RPS10: variants seen among roughly 807,000 people sequenced by gnomAD.
RPS10 encodes ribosomal protein S10.
In RPS10, 2 loss-of-function variants were observed where a neutral mutation model predicts 22.6. That is an observed-to-expected ratio of 0.09 (90% CI 0.04 to 0.28). The LOEUF (loss-of-function observed/expected upper bound fraction) is 0.28, where lower values mean the gene tolerates loss of function less well. Ranked by LOEUF, RPS10 falls within the 10% of genes least tolerant of loss-of-function variation. The pLI, the probability that RPS10 is intolerant of heterozygous loss-of-function variation, is 1.00. For synonymous variants in RPS10, 70 were observed against 75.9 expected (o/e 0.92, Z 0.40); for missense variants, 137 against 222.2 (o/e 0.62, Z 2.44).
chr6:34,421,011 T>C (rs1765745420), intron 4 of RPS10, among the ~76,000 whole-genome samples: 3 of 127,176 alleles, frequency 2.4e-5, no homozygotes, highest in African/African-American at 6.4e-5. Flanking sequence ...GTCTCAAAAA[T>C]GAAAGAAAAT....
chr6:34,417,767 G>A lies in RPS10; in HGVS notation c.457-220C>T, dbSNP rs1765628271. The A allele has an allele frequency of 4.6e-5, 33 of 717,960 alleles. No individual in the cohort carries two copies. The South Asian group carries it at 4.9e-4, about 11-fold the overall frequency. 44.5% of individuals were successfully genotyped at this position (717,960 alleles called of 1,614,324 possible). On this transcript the variant is annotated intron_variant, in intron 5 of 5. Transcript: ENST00000648437. ...TTCTTCATTGGTAAAGTGGGAGTATGGCCACCCACCCAGAGTGTGTTCATA... is the reference window on the plus strand; with the variant it reads ...TTCTTCATTGGTAAAGTGGGAGTATAGCCACCCACCCAGAGTGTGTTCATA...
rs759736737 is a variant in RPS10, at chr6:34,417,469, T to G, written c.*37A>C. ...GGACAAAAGATTAAGGTTTTTTGGC[T>G]GTAAGTTTATTCAATGCAAAAGAAT... is the stretch of plus-strand genomic sequence containing the variant. On this transcript the variant is annotated 3_prime_UTR_variant, in exon 6 of 6. Coordinates refer to ENST00000648437, the MANE Select transcript of RPS10 (RefSeq NM_001014.5). 6.3e-7 allele frequency: 1 copy of G among 1,589,006 alleles called. No homozygotes were observed. The highest frequency in any genetic ancestry group is 1.3e-5 in the African/African-American group (1 of 74,516).
intron 4 of RPS10, among the ~76,000 whole-genome samples, chr6:34,419,963 T>C (rs1765707483): frequency 6.6e-6 from 1 of 152,024 alleles, no homozygotes; most frequent in African/African-American, 2.4e-5. Context: ...GCTCACTGTA[T>C]CTCAAACTCC....
At chr6:34,417,883 G>C in intron 5 of RPS10, 1 of 717,992 alleles carries the variant, frequency 1.4e-6, no homozygotes, top group Non-Finnish European at 2.6e-6. Context: ...GAGAGCAATC[G>C]TGTGCTATGA....
intron 3 of RPS10, among the ~76,000 whole-genome samples, chr6:34,422,396 C>T (rs1387699016): frequency 2.6e-5 from 4 of 152,176 alleles, no homozygotes; most frequent in Non-Finnish European, 5.9e-5. Context: ...CTCACTGCAA[C>T]CTCTGCCTCC....
chr6:34,425,488 A>C, intron 1 of RPS10: 2 of 432,066 alleles, frequency 4.6e-6, no homozygotes, highest in African/African-American at 2.0e-5. Flanking sequence ...ATCAATTACA[A>C]AGGTCAATGG....
At chr6:34,425,459 C>A (rs1220978892) in intron 1 of RPS10, 1 of 514,510 alleles carries the variant, frequency 1.9e-6, no homozygotes, top group African/African-American at 1.9e-5. Context: ...ACATTCGCGC[C>A]AAACTTCCTT....
chr6:34,420,635 CA>C (rs771205592), intron 4 of RPS10, among the ~76,000 whole-genome samples: 13 of 152,216 alleles, frequency 8.5e-5, no homozygotes, highest in Admixed American at 3.9e-4. Context: ...CAAAAGATGA[CA>C]GAAAAAAGCT....
intron 3 of RPS10, among the ~76,000 whole-genome samples, chr6:34,422,594 C>A (rs934537869): frequency 6.6e-6 from 1 of 151,540 alleles, no homozygotes; most frequent in African/African-American, 2.4e-5. Context: ...GGATTATAGG[C>A]ACGAGCCACC....
chr6:34,419,524 A>G (rs1765691225), intron 4 of RPS10, among the ~76,000 whole-genome samples: 1 of 152,148 alleles, frequency 6.6e-6, no homozygotes, highest in Non-Finnish European at 1.5e-5. Context: ...TACTGATTAC[A>G]TGTTAAATTA....
At chr6:34,423,307 A>AT (rs2113802705) in intron 3 of RPS10, among the ~76,000 whole-genome samples, 2 of 151,554 alleles carry the variant, frequency 1.3e-5, no homozygotes, top group South Asian at 2.1e-4. Flanking sequence ...TGGCTAATTT[A>AT]TTTTTTTGTA....
chr6:34,423,242 A>G (rs1261892087), intron 3 of RPS10, among the ~76,000 whole-genome samples: 1 of 151,606 alleles, frequency 6.6e-6, no homozygotes, highest in African/African-American at 2.4e-5. Context: ...CCACAATCAC[A>G]GCTCAATGCA....
intron 4 of RPS10, among the ~76,000 whole-genome samples, chr6:34,418,762 A>AG (rs999014502): frequency 9.2e-5 from 14 of 152,188 alleles, no homozygotes; most frequent in African/African-American, 3.4e-4. Flanking sequence ...TAACATGTAA[A>AG]GGGAAGGGCC....
Position 34,422,925 on chromosome 6 carries a change from A to G in RPS10, c.323-1118T>C, listed in dbSNP as rs1384156318. On this transcript the variant is annotated intron_variant, in intron 3 of 5. Transcript: ENST00000648437. The stretch of plus-strand genomic sequence containing the variant: ...GTAAAACCCTGTCTCTACTAAAATT[A>G]CAAAAATTAGCCGGGTGTGGTGGTG... Among the ~76,000 whole-genome samples the G allele has an allele frequency of 3.3e-5, 5 of 151,960 alleles. No homozygotes were observed. The South Asian group carries it at 1.0e-3, about 31-fold the overall frequency.
intron 3 of RPS10, chr6:34,424,164 A>AAAAAAAAAAAAAAAAAAAAAAAT: frequency 6.7e-6 from 1 of 149,106 alleles, no homozygotes; most frequent in African/African-American, 2.5e-5. Context: ...AAAAAAAAAA[A>AAAAAAAAAAAAAAAAAAAAAAAT]GCAACTGTGA....
intron 4 of RPS10, 30 bp from the exon 5 acceptor site, chr6:34,418,454 T>G (rs1765649922): frequency 6.2e-7 from 1 of 1,614,022 alleles, no homozygotes; most frequent in African/African-American, 1.3e-5. Context: ...TTTAGAATCA[T>G]CATATGATCT....
intron 1 of RPS10, chr6:34,425,449 A>C: frequency 9.2e-6 from 5 of 544,328 alleles, no homozygotes; most frequent in Admixed American, 2.9e-5. Context: ...ATAGTGGTGC[A>C]CATTCGCGCC....
chr6:34,424,034 G>A (rs1765860883), intron 3 of RPS10, among the ~76,000 whole-genome samples: 1 of 148,404 alleles, frequency 6.7e-6, no homozygotes, highest in African/African-American at 2.5e-5. Flanking sequence ...GCTCTCTGCA[G>A]CTCCTACAGA....
At chr6:34,419,547 AT>A (rs1765692165) in intron 4 of RPS10, among the ~76,000 whole-genome samples, 1 of 150,448 alleles carries the variant, frequency 6.6e-6, no homozygotes, top group Non-Finnish European at 1.5e-5. Flanking sequence ...ACGTTTAGAT[AT>A]TTTTTAAACC....
Sources: gnomAD v4.1 joint callset for allele counts (sites outside exome capture counted in the v4.1 genomes callset) on GRCh38, gnomAD v4.1.1 for gene constraint, MANE v1.5 for transcripts, NCBI Gene and HGNC (gene_info 2026-07-23, HGNC 2026-07-21) for gene names.